The following IGFBP2 variants were observed in gnomAD, a reference collection of about 807,000 sequenced individuals.
The protein encoded by IGFBP2 is insulin like growth factor binding protein 2, also known as insulin-like growth factor-binding protein 2.
Under a neutral mutation model 26.2 loss-of-function variants are expected in IGFBP2, and 12 were observed. The ratio of observed to expected loss-of-function variants is 0.46; its 90% CI spans 0.29 to 0.74. The LOEUF (loss-of-function observed/expected upper bound fraction) is 0.74, where lower values mean the gene tolerates loss of function less well. IGFBP2 is among the 30% of genes least tolerant of loss of function. IGFBP2 has a pLI of 0.09. For missense variants in IGFBP2, 328 were observed against 441.2 expected, an observed-to-expected ratio of 0.74 and a Z score of 2.30; for synonymous variants, 189 against 200.6, an observed-to-expected ratio of 0.94 and a Z score of 0.49.
At chr2:216,657,754 G>C (rs1697946509) in intron 1 of IGFBP2, among the ~76,000 whole-genome samples, 1 of 152,176 alleles carries the variant, frequency 6.6e-6, no homozygotes, top group African/African-American at 2.4e-5. Context: ...GCCTTTTCCT[G>C]CCGGTGGTGC....
chr2:216,646,593 A>G (rs9341146), intron 1 of IGFBP2, among the ~76,000 whole-genome samples: 1 of 152,330 alleles, frequency 6.6e-6, no homozygotes, highest in South Asian at 2.1e-4. Flanking sequence ...GTAATTTACA[A>G]AAGAAAGAGG....
chr2:216,633,567 CGCCGCTGCTGCCGCT>C lies in IGFBP2; in HGVS notation c.47_61del (p.Pro16_Leu20del). The C allele has an allele frequency of 1.0e-6, 1 of 970,434 alleles. No individual in the cohort carries two copies. The highest frequency in any genetic ancestry group is 1.2e-6 in the Non-Finnish European group (1 of 810,996). The allele number at this position is 970,434 out of a possible 1,614,324, so 60.1% of individuals were successfully genotyped here. On this transcript the variant is annotated inframe_deletion, in exon 1 of 4. Coordinates refer to ENST00000233809, the MANE Select transcript of IGFBP2 (RefSeq NM_000597.3). ...TGCCCCGCGCTGCCGCTGCCGCCGCCGCCGCTGCTGCCGCTGCTGCTGCTGCTACTGGGCGCGAGT... is the reference window on the plus strand; with the variant it reads ...TGCCCCGCGCTGCCGCTGCCGCCGCCGCTGCTGCTGCTACTGGGCGCGAGT...
chr2:216,661,798 C>A, intron 2 of IGFBP2, 60 bp from the exon 3 acceptor site: 1 of 1,599,938 alleles, frequency 6.3e-7, no homozygotes, highest in Non-Finnish European at 8.5e-7. Context: ...TTGCGTCTGG[C>A]GCGTGCTTCG....
intron 3 of IGFBP2, 144 bp downstream of exon 3, chr2:216,662,142 G>C (rs998243482): frequency 1.4e-5 from 13 of 940,396 alleles, no homozygotes; most frequent in Non-Finnish European, 2.0e-5. Flanking sequence ...TGGGGATTGG[G>C]ATGCCAGCTG....
rs9341118 is a variant in IGFBP2, at chr2:216,638,437, G to A, written c.442+4472G>A. 6.6e-3 allele frequency among the ~76,000 whole-genome samples: 1,005 copies of A among 151,940 alleles called. 10 individuals are homozygous for A. The highest frequency in any genetic ancestry group is 0.023 in the African/African-American group (940 of 41,440). On this transcript the variant is annotated intron_variant, in intron 1 of 3. Coordinates refer to ENST00000233809, the MANE Select transcript of IGFBP2 (RefSeq NM_000597.3). ...GGAGAATCGCTTGAACCTGGGAACT[G>A]GAGGTTGCAGTGAGCCGAGATGGCG...
intron 1 of IGFBP2, 86 bp downstream of exon 1, chr2:216,634,051 T>C (rs1034130944): frequency 6.9e-7 from 1 of 1,458,168 alleles, no homozygotes; most frequent in African/African-American, 1.5e-5. Flanking sequence ...CGGACGGTTT[T>C]AGGGGCGGCA....
chr2:216,649,072 A>G (rs1365171377), intron 1 of IGFBP2, among the ~76,000 whole-genome samples: 1 of 152,248 alleles, frequency 6.6e-6, no homozygotes, highest in Non-Finnish European at 1.5e-5. Context: ...AGACTTGCAT[A>G]TATGTGATAG....
At position 216,664,010 on chromosome 2, in the gene IGFBP2, A is replaced by C; in HGVS notation, c.884A>C (p.Gln295Pro). 6.2e-6 allele frequency: 10 copies of C among 1,614,172 alleles called. No homozygotes were observed. Among genetic ancestry groups the C allele is most frequent in the Non-Finnish European group, 8.5e-6 (10 of 1,180,034 alleles). The change falls in exon 4 of 4, where the codon CAG becomes CCG. Residue 295 changes from glutamine (Q) to proline (P), a missense_variant. Transcript: ENST00000233809. This position sits in a 1 kb window ranked among gnomAD's most constrained non-coding sequence, Gnocchi z 4.6. The part of the protein sequence containing the change: ...CVNPNTGKLI[Q>P]GAPTIRGDPE... ...AACCCCAACACCGGGAAGCTGATCC[A>C]GGGAGCCCCCACCATCCGGGGGGAC...
chr2:216,633,447 G>T lies in IGFBP2; in HGVS notation c.-77G>T. 1 of 260,770 alleles carries T rather than the reference G, an allele frequency of 3.8e-6. No homozygotes were observed. Among genetic ancestry groups the T allele is most frequent in the Non-Finnish European group, 6.0e-6 (1 of 165,504 alleles). 16.2% of individuals were successfully genotyped at this position (260,770 alleles called of 1,614,324 possible). On this transcript the variant is annotated 5_prime_UTR_variant, in exon 1 of 4. Transcript: ENST00000233809. ...GGAAGAAGCGGAGGAGGCGGCTCCC[G>T]CGCTCGCAGGGCCGTGCCACCTGCC...
chr2:216,652,293 C>A (rs928927021), intron 1 of IGFBP2, among the ~76,000 whole-genome samples: 1 of 151,838 alleles, frequency 6.6e-6, no homozygotes, highest in African/African-American at 2.4e-5. Context: ...CCTGCCTCAG[C>A]CTCCTGAGTA....
chr2:216,639,823 A>T (rs1406905387), intron 1 of IGFBP2, among the ~76,000 whole-genome samples: 1 of 151,904 alleles, frequency 6.6e-6, no homozygotes, highest in African/African-American at 2.4e-5. Flanking sequence ...TTGTATTTTT[A>T]GTAGAGACAG....
intron 1 of IGFBP2, among the ~76,000 whole-genome samples, chr2:216,634,906 T>TTTTTTTTTTTTTA (rs371560018): frequency 0.17 from 21,147 of 127,924 alleles, 2,472 homozygotes; most frequent in East Asian, 0.37. Flanking sequence ...TTTTTTTTTT[T>TTTTTTTTTTTTTA]AATTACGAAA....
At chr2:216,656,430 C>CA (rs1286921802) in intron 1 of IGFBP2, among the ~76,000 whole-genome samples, 31 of 152,204 alleles carry the variant, frequency 2.0e-4, no homozygotes, top group African/African-American at 7.0e-4. Flanking sequence ...GGAGCCATTT[C>CA]AGCAATGGGC....
intron 1 of IGFBP2, among the ~76,000 whole-genome samples, chr2:216,635,587 T>G (rs1045703910): frequency 6.9e-5 from 9 of 131,244 alleles, no homozygotes; most frequent in Non-Finnish European, 6.4e-5. Flanking sequence ...GTGTGATGCC[T>G]TTCCTTCTTT....
rs866918944 is a variant in IGFBP2, at chr2:216,636,707, A to G, written c.442+2742A>G. ...CTAGAAATGTCAGGGTCGAGGAGGG[A>G]ACAGGGTTGGGCCAGTCCAGGCCCT... On this transcript the variant is annotated intron_variant, in intron 1 of 3. Coordinates refer to ENST00000233809, the MANE Select transcript of IGFBP2 (RefSeq NM_000597.3). Among the ~76,000 whole-genome samples, 3 of 152,232 alleles carry G rather than the reference A, an allele frequency of 2.0e-5. No homozygotes were observed. In the South Asian group the frequency reaches 6.2e-4, roughly 32 times the overall value.
intron 2 of IGFBP2, 51 bp downstream of exon 2, chr2:216,660,837 G>C: frequency 7.0e-7 from 1 of 1,428,106 alleles, no homozygotes; most frequent in Non-Finnish European, 9.6e-7. Flanking sequence ...AGGAAAGTGG[G>C]GTCTCAGCTG....
intron 1 of IGFBP2, among the ~76,000 whole-genome samples, chr2:216,650,632 G>A (rs776849093): frequency 6.6e-6 from 1 of 152,164 alleles, no homozygotes; most frequent in Non-Finnish European, 1.5e-5. Flanking sequence ...CACTCAGCTG[G>A]GTGATTGGCC....
At position 216,642,507 on chromosome 2, in the gene IGFBP2, C is replaced by T. The variant is rs1329358398; in HGVS notation, c.442+8542C>T. ...ATTTTTAGTAGAGACGGGGTTTCAC[C>T]GTGTTAGCCAGGATGGTCTCGATCT... On this transcript the variant is annotated intron_variant, in intron 1 of 3. Coordinates refer to ENST00000233809, the MANE Select transcript of IGFBP2 (RefSeq NM_000597.3). Among the ~76,000 whole-genome samples, 9 of 135,454 alleles carry T rather than the reference C, an allele frequency of 6.6e-5. No homozygotes were observed. The South Asian group carries it at 7.5e-4, about 11-fold the overall frequency. The allele number at this position is 135,454 out of a possible 152,430, so 88.9% of individuals were successfully genotyped here.
intron 1 of IGFBP2, among the ~76,000 whole-genome samples, chr2:216,642,031 G>A (rs1235766704): frequency 2.1e-5 from 3 of 141,836 alleles, no homozygotes; most frequent in African/African-American, 8.0e-5. Context: ...ACGGAGTCTC[G>A]CTGTGTCGCC....
Sources: gnomAD v4.1 joint callset for allele counts (sites outside exome capture counted in the v4.1 genomes callset) on GRCh38, gnomAD v4.1.1 for gene constraint, Gnocchi (gnomAD v3.1) non-coding constraint, MANE v1.5 for transcripts, NCBI Gene and HGNC (gene_info 2026-07-23, HGNC 2026-07-21) for gene names.